AGO2: variants seen among roughly 807,000 people sequenced by gnomAD.
AGO2 encodes argonaute RISC catalytic component 2.
AGO2 carries 5 observed loss-of-function variants against 102.3 expected under a neutral mutation model. That is an observed-to-expected ratio of 0.05 (90% CI 0.03 to 0.10). The LOEUF (loss-of-function observed/expected upper bound fraction) is 0.10, where lower values mean the gene tolerates loss of function less well. Ranked by LOEUF, AGO2 falls within the 10% of genes least tolerant of loss-of-function variation. The pLI is 1.00. For synonymous variants in AGO2, 449 were observed against 473.1 expected, an observed-to-expected ratio of 0.95 and a Z score of 0.66; for missense variants, 541 against 1,183.7, an observed-to-expected ratio of 0.46 and a Z score of 7.97.
intron 1 of AGO2, among the ~76,000 whole-genome samples, chr8:140,599,135 T>G (rs1363030341): frequency 6.6e-5 from 10 of 152,204 alleles, no homozygotes; most frequent in Non-Finnish European, 1.2e-4. Flanking sequence ...TCCGGCAGGA[T>G]GCACCCGCTT....
At chr8:140,580,893 T>C (rs971103184) in intron 2 of AGO2, among the ~76,000 whole-genome samples, 3 of 152,268 alleles carry the variant, frequency 2.0e-5, no homozygotes, top group African/African-American at 7.2e-5. Flanking sequence ...TTGCCCTGCA[T>C]TTGCTGCTTA....
intron 1 of AGO2, among the ~76,000 whole-genome samples, chr8:140,616,059 A>G (rs2074139241): frequency 6.6e-6 from 1 of 152,200 alleles, no homozygotes; most frequent in Non-Finnish European, 1.5e-5. Flanking sequence ...TGCCTTCCTC[A>G]GAACAAGGTT....
At chr8:140,616,004 T>C (rs578239570) in intron 1 of AGO2, among the ~76,000 whole-genome samples, 7 of 152,346 alleles carry the variant, frequency 4.6e-5, no homozygotes, top group African/African-American at 1.7e-4. Flanking sequence ...ATGCGTACCC[T>C]GTCATCAGCG....
intron 1 of AGO2, among the ~76,000 whole-genome samples, chr8:140,590,955 T>TA (rs2073738607): frequency 6.6e-6 from 1 of 152,156 alleles, no homozygotes; most frequent in Non-Finnish European, 1.5e-5. Flanking sequence ...ACACAGGATG[T>TA]AGCCATCCAC....
rs189285272 is a variant in AGO2, at chr8:140,589,271, C to T, written c.23-3960G>A. On this transcript the variant is annotated intron_variant, in intron 1 of 18. Coordinates refer to ENST00000220592, the MANE Select transcript of AGO2 (RefSeq NM_012154.5). This position sits in a 1 kb window ranked among gnomAD's most constrained non-coding sequence, Gnocchi z 4.2. ...TTCCCCGCAGACGTGTACCCTGAGG[C>T]GGGGAGAGCAGCTGCAGAAATTCAG... is the stretch of plus-strand genomic sequence containing the variant. 1.3e-5 allele frequency among the ~76,000 whole-genome samples: 2 copies of T among 152,108 alleles called. No homozygotes were observed. The highest frequency in any genetic ancestry group is 4.8e-5 in the African/African-American group (2 of 41,404).
chr8:140,600,855 CG>C (rs772430174), intron 1 of AGO2, among the ~76,000 whole-genome samples: 7 of 151,540 alleles, frequency 4.6e-5, no homozygotes, highest in Non-Finnish European at 8.8e-5. Context: ...GTAGGATTGA[CG>C]GGGAGGTGGA....
At chr8:140,622,236 C>T (rs1333681997) in intron 1 of AGO2, among the ~76,000 whole-genome samples, 1 of 151,378 alleles carries the variant, frequency 6.6e-6, no homozygotes, top group South Asian at 2.1e-4. Flanking sequence ...TGGGTGGGAG[C>T]GAATGGGGGT....
intron 4 of AGO2, among the ~76,000 whole-genome samples, chr8:140,561,546 G>A (rs1399326529): frequency 3.3e-5 from 5 of 152,202 alleles, no homozygotes; most frequent in Non-Finnish European, 7.3e-5. Flanking sequence ...TTCCTCCACC[G>A]ATAGTTCAAA....
chr8:140,527,691 C>A lies in AGO2; in HGVS notation c.*4353G>T, dbSNP rs540173773. On this transcript the variant is annotated 3_prime_UTR_variant, in exon 19 of 19. Coordinates refer to ENST00000220592, the MANE Select transcript of AGO2 (RefSeq NM_012154.5). The surrounding 1 kb of genome is among the most constrained non-coding windows in gnomAD (Gnocchi z 6.0). ...ACGTTCTGCAAGTGAGGCGCATGAGCACTGAGGAAGTTTCTGTTTCTATTT... is the reference window on the plus strand; with the variant it reads ...ACGTTCTGCAAGTGAGGCGCATGAGAACTGAGGAAGTTTCTGTTTCTATTT... The A allele has an allele frequency of 6.6e-6, 1 of 152,392 alleles. No homozygotes were observed. The highest frequency in any genetic ancestry group is 1.5e-5 in the Non-Finnish European group (1 of 68,030). The allele number at this position is 152,392 out of a possible 1,614,324, so 9.4% of individuals were successfully genotyped here.
Position 140,568,862 on chromosome 8 carries a change from G to A in AGO2, c.336+3950C>T, listed in dbSNP as rs78345427. Among the ~76,000 whole-genome samples the A allele has an allele frequency of 2.9e-3, 442 of 152,304 alleles. 3 individuals carry two copies. The highest frequency in any genetic ancestry group is 0.01 in the African/African-American group (429 of 41,568). On this transcript the variant is annotated intron_variant, in intron 3 of 18. Coordinates refer to ENST00000220592, the MANE Select transcript of AGO2 (RefSeq NM_012154.5). ...CACCTCCTGACCAGCTTGTATTGGG[G>A]TGGGCTTGGGTCAAAGCACCTGGCT...
At chr8:140,542,639 T>C (rs2072821026) in intron 14 of AGO2, among the ~76,000 whole-genome samples, 1 of 150,518 alleles carries the variant, frequency 6.6e-6, no homozygotes, top group South Asian at 2.1e-4. Flanking sequence ...CTTCATAACA[T>C]TTGTACAGAA....
Position 140,525,124 on chromosome 8 carries a change from A to G in AGO2, c.*6920T>C, listed in dbSNP as rs1044309384. On this transcript the variant is annotated 3_prime_UTR_variant, in exon 19 of 19. Coordinates refer to ENST00000220592, the MANE Select transcript of AGO2 (RefSeq NM_012154.5). ...CATTTAAAAACCTAACAACACATCTAACATTTCCACACCAACCAATAAGAT... is the reference window on the plus strand; with the variant it reads ...CATTTAAAAACCTAACAACACATCTGACATTTCCACACCAACCAATAAGAT... The G allele has an allele frequency of 6.6e-6, 1 of 152,246 alleles. No individual in the cohort carries two copies. The highest frequency in any genetic ancestry group is 1.5e-5 in the Non-Finnish European group (1 of 68,052). 9.4% of individuals were successfully genotyped at this position (152,246 alleles called of 1,614,324 possible). A position where few individuals can be genotyped will look rare whatever the true frequency, so the allele number is the denominator to read the frequency against.
chr8:140,554,450 C>T (rs1043453239), intron 10 of AGO2, among the ~76,000 whole-genome samples: 1 of 152,168 alleles, frequency 6.6e-6, no homozygotes, highest in Admixed American at 6.5e-5. Flanking sequence ...ACAGAACGGC[C>T]AGCAGCCTCT....
At chr8:140,590,045 T>G (rs1422074140) in intron 1 of AGO2, among the ~76,000 whole-genome samples, 1 of 152,204 alleles carries the variant, frequency 6.6e-6, no homozygotes, top group Non-Finnish European at 1.5e-5. Flanking sequence ...CATCTGCTCC[T>G]GTCAGCCGGA....
intron 12 of AGO2, 140 bp downstream of exon 12, chr8:140,548,974 C>T: frequency 1.9e-6 from 2 of 1,051,972 alleles, no homozygotes; most frequent in Non-Finnish European, 2.7e-6. Flanking sequence ...GACAAGCCAC[C>T]TCTTCTTCCT....
intron 2 of AGO2, among the ~76,000 whole-genome samples, chr8:140,574,539 C>T (rs1055455431): frequency 5.9e-5 from 9 of 152,136 alleles, no homozygotes; most frequent in African/African-American, 1.9e-4. Context: ...GCTGGGAGTA[C>T]CGGCATGAGT....
At chr8:140,564,563 T>A (rs1293611772) in intron 3 of AGO2, among the ~76,000 whole-genome samples, 1 of 152,214 alleles carries the variant, frequency 6.6e-6, no homozygotes, top group Non-Finnish European at 1.5e-5. Context: ...TTTATAATAA[T>A]CCACTTCCAC....
chr8:140,521,427 C>T lies in AGO2; in HGVS notation c.*10617G>A, dbSNP rs953493553. On this transcript the variant is annotated 3_prime_UTR_variant, in exon 19 of 19. Coordinates refer to ENST00000220592, the MANE Select transcript of AGO2 (RefSeq NM_012154.5). ...GGAATGTTGGTTCTCTTGTAAAATT[C>T]AGAGATCTCTTTAAAATAGTAAAAC... The T allele has an allele frequency of 6.6e-6, 1 of 152,184 alleles. No individual in the cohort carries two copies. The highest frequency in any genetic ancestry group is 1.5e-5 in the Non-Finnish European group (1 of 68,042). The allele number at this position is 152,184 out of a possible 1,614,324, so 9.4% of individuals were successfully genotyped here.
intron 1 of AGO2, among the ~76,000 whole-genome samples, chr8:140,598,988 C>T (rs2073889652): frequency 6.6e-6 from 1 of 152,188 alleles, no homozygotes; most frequent in Non-Finnish European, 1.5e-5. Context: ...AGCTCTCCCT[C>T]GAGGCTCCCA....
Sources: allele counts gnomAD v4.1 joint callset (sites outside exome capture counted in the v4.1 genomes callset), GRCh38; gene constraint gnomAD v4.1.1; non-coding constraint Gnocchi (gnomAD v3.1); transcripts MANE v1.5; gene names NCBI Gene and HGNC (gene_info 2026-07-23, HGNC 2026-07-21).